Variants in NKAIN2 observed in about 807,000 individuals in gnomAD.
NKAIN2 encodes sodium/potassium transporting ATPase interacting 2, also known as sodium/potassium-transporting ATPase subunit beta-1-interacting protein 2.
Under a neutral mutation model 32.6 loss-of-function variants are expected in NKAIN2, and 14 were observed. The ratio of observed to expected loss-of-function variants is 0.43; its 90% confidence interval spans 0.28 to 0.67. The LOEUF is 0.67. NKAIN2 is among the 30% of genes least tolerant of loss of function. NKAIN2 has a pLI of 0.17. For missense variants in NKAIN2, 198 were observed against 258.3 expected, an observed-to-expected ratio of 0.77 and a Z score of 1.60; for synonymous variants, 80 against 87.2, an observed-to-expected ratio of 0.92 and a Z score of 0.46.
At chr6:124,413,176 A>G (rs1490783859) in intron 3 of NKAIN2, among the ~76,000 whole-genome samples, 7 of 152,018 alleles carry the variant, frequency 4.6e-5, no homozygotes, top group African/African-American at 1.2e-4. Flanking sequence ...GCTGCACCCC[A>G]TGTCCTGCAG....
chr6:124,811,640 C>A (rs1236501611), intron 5 of NKAIN2, among the ~76,000 whole-genome samples: 1 of 152,008 alleles, frequency 6.6e-6, no homozygotes, highest in Non-Finnish European at 1.5e-5. Flanking sequence ...CTGACCCTAC[C>A]CATAGGTCAA....
At chr6:124,460,591 C>T (rs1174039118) in intron 3 of NKAIN2, among the ~76,000 whole-genome samples, 3 of 151,612 alleles carry the variant, frequency 2.0e-5, no homozygotes, top group Non-Finnish European at 4.4e-5. Flanking sequence ...GATGATAAAC[C>T]TGCTGTCAAT....
At chr6:124,509,999 T>C (rs1778648885) in intron 3 of NKAIN2, among the ~76,000 whole-genome samples, 1 of 152,196 alleles carries the variant, frequency 6.6e-6, no homozygotes, top group African/African-American at 2.4e-5. Context: ...AGGGATGTTA[T>C]TCTAAATCTA....
At chr6:123,991,428 T>G (rs1303462201) in intron 1 of NKAIN2, among the ~76,000 whole-genome samples, 1 of 151,848 alleles carries the variant, frequency 6.6e-6, no homozygotes, top group East Asian at 1.9e-4. Context: ...AAAAAAAGTT[T>G]GGAAGGATCC....
intron 1 of NKAIN2, among the ~76,000 whole-genome samples, chr6:123,844,840 A>G (rs932856958): frequency 2.0e-5 from 3 of 152,176 alleles, no homozygotes; most frequent in African/African-American, 2.4e-5. Context: ...TTAGACATAT[A>G]CTCTTCATCA....
In NKAIN2 at chr6:123,964,078, A is replaced by C. The variant is rs1278008127; in HGVS notation, c.54+159824A>C. 6.6e-6 allele frequency among the ~76,000 whole-genome samples: 1 copy of C among 152,196 alleles called. No individual in the cohort carries two copies. Among genetic ancestry groups the C allele is most frequent in the Non-Finnish European group, 1.5e-5 (1 of 68,034 alleles). On this transcript the variant is annotated intron_variant, in intron 1 of 6. Coordinates refer to ENST00000368417, the MANE Select transcript of NKAIN2 (RefSeq NM_001040214.3). The surrounding 1 kb of genome is among the most constrained non-coding windows in gnomAD (Gnocchi z 4.0). ...AAATGAATCCTTGTTCAGGAACACA[A>C]CATCCAATTACAAAATTACTCCTAG... is the stretch of plus-strand genomic sequence containing the variant.
intron 1 of NKAIN2, among the ~76,000 whole-genome samples, chr6:123,936,891 G>GT (rs2114538402): frequency 6.6e-6 from 1 of 152,214 alleles, no homozygotes; most frequent in African/African-American, 2.4e-5. Context: ...TGATCCAGCA[G>GT]TTTTTGTGAA....
intron 1 of NKAIN2, among the ~76,000 whole-genome samples, chr6:124,191,376 T>TA (rs1191824559): frequency 2.6e-5 from 4 of 152,012 alleles, no homozygotes; most frequent in African/African-American, 7.2e-5. Flanking sequence ...GCTGCTATGA[T>TA]AAAAAATATT....
intron 2 of NKAIN2, among the ~76,000 whole-genome samples, chr6:124,349,034 T>A (rs1314810717): frequency 4.5e-4 from 68 of 152,186 alleles, no homozygotes; most frequent in Admixed American, 4.4e-3. Context: ...TAGTACAATG[T>A]TCCTTAGGAG....
intron 3 of NKAIN2, among the ~76,000 whole-genome samples, chr6:124,636,001 C>G (rs1452475222): frequency 6.6e-6 from 1 of 152,012 alleles, no homozygotes; most frequent in African/African-American, 2.4e-5. Flanking sequence ...TTCTTCTCAT[C>G]AGGACATGAA....
chr6:124,715,638 C>A (rs75242560), intron 4 of NKAIN2, among the ~76,000 whole-genome samples: 5,992 of 152,296 alleles, frequency 0.039, 171 homozygotes, highest in Non-Finnish European at 0.062. Context: ...GAATCAAGGA[C>A]CACGATGTAC....
chr6:124,193,917 T>A (rs1469547031), intron 1 of NKAIN2, among the ~76,000 whole-genome samples: 1 of 152,098 alleles, frequency 6.6e-6, no homozygotes, highest in Non-Finnish European at 1.5e-5. Context: ...GAGGAGACCC[T>A]GGAGTGAGTA....
chr6:124,281,331 C>A (rs1330621424), intron 1 of NKAIN2, among the ~76,000 whole-genome samples: 1 of 152,154 alleles, frequency 6.6e-6, no homozygotes, highest in Non-Finnish European at 1.5e-5. Context: ...GTTTTTGATA[C>A]CATTCACAGA....
intron 1 of NKAIN2, among the ~76,000 whole-genome samples, chr6:124,180,903 G>A (rs1366105601): frequency 2.6e-5 from 4 of 152,190 alleles, no homozygotes; most frequent in Middle Eastern, 3.4e-3. Context: ...GAGGATGGTG[G>A]CCCTCTTTTC....
chr6:124,427,878 G>A (rs1230026148), intron 3 of NKAIN2, among the ~76,000 whole-genome samples: 1 of 152,038 alleles, frequency 6.6e-6, no homozygotes, highest in Non-Finnish European at 1.5e-5. Flanking sequence ...ATTTGGCACA[G>A]CTACATGTTG....
chr6:124,028,902 TAC>T (rs1490279818), intron 1 of NKAIN2, among the ~76,000 whole-genome samples: 3 of 81,296 alleles, frequency 3.7e-5, no homozygotes, highest in African/African-American at 2.1e-4. Context: ...TATATATATA[TAC>T]ACATATATGT....
At chr6:124,069,028 T>G (rs1194686352) in intron 1 of NKAIN2, among the ~76,000 whole-genome samples, 1 of 152,086 alleles carries the variant, frequency 6.6e-6, no homozygotes, top group Non-Finnish European at 1.5e-5. Flanking sequence ...ATCACAATTT[T>G]TTTTGTTTCC....
intron 1 of NKAIN2, among the ~76,000 whole-genome samples, chr6:123,823,861 G>A (rs996021513): frequency 6.6e-6 from 1 of 152,086 alleles, no homozygotes; most frequent in African/African-American, 2.4e-5. Flanking sequence ...TGAAATTCAG[G>A]GAGTTTTTGA....
chr6:123,891,982 A>G (rs1291571264), intron 1 of NKAIN2, among the ~76,000 whole-genome samples: 1 of 152,186 alleles, frequency 6.6e-6, no homozygotes, highest in East Asian at 1.9e-4. Context: ...TTTGGAGCAG[A>G]TCTGTGGATG....
Sources: gnomAD v4.1 joint callset for allele counts (sites outside exome capture counted in the v4.1 genomes callset) on GRCh38, gnomAD v4.1.1 for gene constraint, Gnocchi (gnomAD v3.1) non-coding constraint, MANE v1.5 for transcripts, NCBI Gene and HGNC (gene_info 2026-07-23, HGNC 2026-07-21) for gene names.